Variants in CRYL1 observed in about 807,000 individuals in gnomAD.
CRYL1 encodes crystallin lambda 1.
CRYL1 carries 29 observed loss-of-function variants against 36.6 expected under a neutral mutation model. The ratio of observed to expected loss-of-function variants is 0.79; its 90% CI spans 0.59 to 1.08. The LOEUF is 1.08. Ranked by LOEUF, CRYL1 falls within the 50% of genes least tolerant of loss-of-function variation. The pLI, the probability that CRYL1 is intolerant of heterozygous loss-of-function variation, is 0.00. For missense variants in CRYL1, 411 were observed against 407.9 expected (o/e 1.01, Z -0.06); for synonymous variants, 152 against 151.5 (o/e 1.00, Z -0.02).
Position 20,481,201 on chromosome 13 carries a change from G to T in CRYL1, c.276+8169C>A, listed in dbSNP as rs1383154807. Among the ~76,000 whole-genome samples, 1 of 152,192 alleles carries T rather than the reference G, an allele frequency of 6.6e-6. No homozygotes were observed. The highest frequency in any genetic ancestry group is 1.5e-5 in the Non-Finnish European group (1 of 68,034). On this transcript the variant is annotated intron_variant, in intron 3 of 7. Transcript: ENST00000298248. The surrounding 1 kb of genome is among the most constrained non-coding windows in gnomAD (Gnocchi z 4.1). The stretch of plus-strand genomic sequence containing the variant: ...TCCAGATGATCTCGTGAGTGTGTGA[G>T]GTGGGCTTGCCCCAGTCCATCCAGA...
At chr13:20,439,519 A>AG in intron 4 of CRYL1, 74 bp downstream of exon 4, 1 of 856,010 alleles carries the variant, frequency 1.2e-6, no homozygotes, top group East Asian at 4.0e-5. Flanking sequence ...CCCCGCAAAA[A>AG]AAAAAAAAAA....
At chr13:20,420,701 T>TTTTTTTTTTTTTTTTTTTTTTTGGTG in intron 5 of CRYL1, among the ~76,000 whole-genome samples, 1 of 21,874 alleles carries the variant, frequency 4.6e-5, no homozygotes, top group Admixed American at 3.5e-4. Context: ...AAAATAGAGG[T>TTTTTTTTTTTTTTTTTTTTTTTGGTG]TGTGTGTGTG....
At chr13:20,463,548 A>T (rs1481001334) in intron 3 of CRYL1, among the ~76,000 whole-genome samples, 1 of 152,134 alleles carries the variant, frequency 6.6e-6, no homozygotes, top group Non-Finnish European at 1.5e-5. Flanking sequence ...CCCCTTTCTG[A>T]ACTAGGTGTT....
chr13:20,483,677 C>T (rs762315163), intron 3 of CRYL1, among the ~76,000 whole-genome samples: 15 of 152,164 alleles, frequency 9.9e-5, no homozygotes, highest in African/African-American at 2.6e-4. Context: ...GCAGCTGGGA[C>T]CACAGGCATG....
intron 5 of CRYL1, among the ~76,000 whole-genome samples, chr13:20,417,121 G>A (rs961590859): frequency 6.6e-6 from 1 of 152,188 alleles, no homozygotes; most frequent in Non-Finnish European, 1.5e-5. Flanking sequence ...TCCACAACTA[G>A]GATATCATGT....
intron 1 of CRYL1, among the ~76,000 whole-genome samples, chr13:20,514,342 T>G (rs530382342): frequency 3.3e-5 from 5 of 152,254 alleles, no homozygotes; most frequent in Non-Finnish European, 5.9e-5. Flanking sequence ...AACGATGCTT[T>G]ATCCCTGTGG....
intron 3 of CRYL1, among the ~76,000 whole-genome samples, chr13:20,451,028 A>G (rs1391549151): frequency 7.6e-6 from 1 of 131,530 alleles, no homozygotes; most frequent in African/African-American, 2.9e-5. Flanking sequence ...ACTTGGACAC[A>G]GGGTGGGGAA....
intron 3 of CRYL1, among the ~76,000 whole-genome samples, chr13:20,441,561 T>G (rs1467519319): frequency 6.6e-6 from 1 of 152,192 alleles, no homozygotes; most frequent in Non-Finnish European, 1.5e-5. Context: ...CCAATTTCAC[T>G]AAAATGTTAA....
intron 3 of CRYL1, among the ~76,000 whole-genome samples, chr13:20,459,345 T>C (rs1184803443): frequency 6.6e-6 from 1 of 151,980 alleles, no homozygotes; most frequent in East Asian, 1.9e-4. Context: ...ATCCCATTAC[T>C]GGGTATATAG....
chr13:20,446,015 T>G (rs1390948458), intron 3 of CRYL1, among the ~76,000 whole-genome samples: 2 of 152,264 alleles, frequency 1.3e-5, no homozygotes, highest in Non-Finnish European at 2.9e-5. Flanking sequence ...ACTAAGCTGC[T>G]TTAAAGCTAA....
At chr13:20,516,960 G>A (rs2034010387) in intron 1 of CRYL1, among the ~76,000 whole-genome samples, 1 of 152,132 alleles carries the variant, frequency 6.6e-6, no homozygotes, top group Non-Finnish European at 1.5e-5. Flanking sequence ...TGTGGTCCCA[G>A]CTACTCAGGA....
At chr13:20,439,191 A>G (rs2032297290) in intron 4 of CRYL1, among the ~76,000 whole-genome samples, 1 of 152,144 alleles carries the variant, frequency 6.6e-6, no homozygotes, top group African/African-American at 2.4e-5. Flanking sequence ...ATCCTACCCA[A>G]TGTATACATT....
chr13:20,468,452 G>A (rs975714604), intron 3 of CRYL1, among the ~76,000 whole-genome samples: 3 of 152,026 alleles, frequency 2.0e-5, no homozygotes, highest in African/African-American at 4.8e-5. Flanking sequence ...TGTTGAAGTC[G>A]AACTTAGCTA....
At chr13:20,516,487 T>C (rs1469567157) in intron 1 of CRYL1, among the ~76,000 whole-genome samples, 2 of 132,078 alleles carry the variant, frequency 1.5e-5, no homozygotes, top group Non-Finnish European at 3.3e-5. Flanking sequence ...AAAGATAATC[T>C]TTTTTTTTTT....
chr13:20,521,101 TCAAAAA>T (rs1565993045), intron 1 of CRYL1, among the ~76,000 whole-genome samples: 1 of 18,360 alleles, frequency 5.4e-5, no homozygotes, highest in Admixed American at 9.2e-4. Context: ...AGACTCCGTC[TCAAAAA>T]AAAAAAAAAA....
intron 3 of CRYL1, among the ~76,000 whole-genome samples, chr13:20,470,275 G>A (rs575242393): frequency 6.6e-6 from 1 of 152,206 alleles, no homozygotes; most frequent in East Asian, 1.9e-4. Flanking sequence ...TTCAAGCACA[G>A]CCTCAAGCAC....
chr13:20,524,219 T>A (rs1440800191), intron 1 of CRYL1, among the ~76,000 whole-genome samples: 1 of 152,198 alleles, frequency 6.6e-6, no homozygotes. Context: ...CGAGACCCTA[T>A]CCTATTAAAA....
intron 6 of CRYL1, among the ~76,000 whole-genome samples, chr13:20,409,987 G>T (rs1238565522): frequency 1.3e-5 from 2 of 151,680 alleles, no homozygotes; most frequent in Non-Finnish European, 2.9e-5. Context: ...ATTCCTCAGG[G>T]ATCTAGAACT....
chr13:20,440,166 G>A (rs2137403422), intron 3 of CRYL1, among the ~76,000 whole-genome samples: 1 of 152,362 alleles, frequency 6.6e-6, no homozygotes. Flanking sequence ...ACCTCTGAAA[G>A]ACTGTCCATT....
Sources: allele counts gnomAD v4.1 joint callset (sites outside exome capture counted in the v4.1 genomes callset), GRCh38; gene constraint gnomAD v4.1.1; non-coding constraint Gnocchi (gnomAD v3.1); transcripts MANE v1.5; gene names NCBI Gene and HGNC (gene_info 2026-07-23, HGNC 2026-07-21).